FAM107B: variants seen among roughly 807,000 people sequenced by gnomAD.
FAM107B encodes the protein family with sequence similarity 107 member B.
In FAM107B, 21 loss-of-function variants were observed where a neutral mutation model predicts 31.5. The ratio of observed to expected loss-of-function variants is 0.67; its 90% CI spans 0.47 to 0.96. The LOEUF (loss-of-function observed/expected upper bound fraction) is 0.96, where lower values mean the gene tolerates loss of function less well. Among genes scored for constraint, FAM107B ranks in the 40% least tolerant of loss-of-function variants. The probability of loss-of-function intolerance (pLI) is 0.00; values close to 1 mark genes in which losing one functional copy is unlikely to be tolerated. For synonymous variants in FAM107B, 157 were observed against 141.5 expected, an observed-to-expected ratio of 1.11 and a Z score of -0.78; for missense variants, 452 against 377.1, an observed-to-expected ratio of 1.20 and a Z score of -1.64.
intron 1 of FAM107B, among the ~76,000 whole-genome samples, chr10:14,678,687 G>A (rs897030801): frequency 4.6e-5 from 7 of 152,102 alleles, no homozygotes; most frequent in African/African-American, 1.7e-4. Context: ...GAACATGCAC[G>A]ATAAATAGGA....
chr10:14,662,212 T>G (rs906547301), intron 2 of FAM107B, among the ~76,000 whole-genome samples: 2 of 152,132 alleles, frequency 1.3e-5, no homozygotes, highest in Admixed American at 6.6e-5. Flanking sequence ...TCACCTCACT[T>G]TTAAATAGAC....
At chr10:14,613,858 C>T (rs1852786076) in intron 2 of FAM107B, among the ~76,000 whole-genome samples, 2 of 152,080 alleles carry the variant, frequency 1.3e-5, no homozygotes. Flanking sequence ...CAGCTGGGGG[C>T]AGTGGCTCAC....
At chr10:14,538,839 T>C (rs1273677417) in intron 2 of FAM107B, among the ~76,000 whole-genome samples, 1 of 152,234 alleles carries the variant, frequency 6.6e-6, no homozygotes. Context: ...AGCATCAGGC[T>C]TGAAGACCAC....
intron 2 of FAM107B, among the ~76,000 whole-genome samples, chr10:14,552,334 A>T (rs550527591): frequency 7.9e-5 from 12 of 152,358 alleles, no homozygotes; most frequent in African/African-American, 2.9e-4. Context: ...AGACTCAGTT[A>T]TAAGCACTTT....
At chr10:14,685,035 ATGCCCAGGG>A (rs1472214675) in intron 1 of FAM107B, among the ~76,000 whole-genome samples, 3 of 152,128 alleles carry the variant, frequency 2.0e-5, no homozygotes, top group African/African-American at 4.8e-5. Flanking sequence ...CTCCCTATCA[ATGCCCAGGG>A]TGCCCAGGGT....
At chr10:14,626,693 T>C (rs7099405) in intron 2 of FAM107B, among the ~76,000 whole-genome samples, 10,440 of 151,904 alleles carry the variant, frequency 0.069, 472 homozygotes, top group East Asian at 0.19. Flanking sequence ...TTAGTAGAGA[T>C]GGGGTTTCAC....
intron 1 of FAM107B, among the ~76,000 whole-genome samples, chr10:14,732,256 C>T (rs755010843): frequency 1.3e-5 from 2 of 152,172 alleles, no homozygotes; most frequent in Admixed American, 6.5e-5. Context: ...ATTCCAAGCC[C>T]GCAAGCAAGC....
chr10:14,737,786 C>CTG (rs1394069349), intron 1 of FAM107B, among the ~76,000 whole-genome samples: 1 of 151,068 alleles, frequency 6.6e-6, no homozygotes, highest in Non-Finnish European at 1.5e-5. Context: ...CTCTCTCTCT[C>CTG]TCTCTCTCTC....
At chr10:14,733,129 T>C (rs1856213674) in intron 1 of FAM107B, among the ~76,000 whole-genome samples, 1 of 150,252 alleles carries the variant, frequency 6.7e-6, no homozygotes, top group Non-Finnish European at 1.5e-5. Context: ...TTTATATATG[T>C]TAAAATATTA....
intron 2 of FAM107B, among the ~76,000 whole-genome samples, chr10:14,665,952 A>G (rs1854393966): frequency 6.6e-6 from 1 of 152,160 alleles, no homozygotes. Context: ...GTGTTGGCCT[A>G]TGTCAAACCT....
At chr10:14,624,102 G>C (rs1003974753) in intron 2 of FAM107B, among the ~76,000 whole-genome samples, 12 of 152,144 alleles carry the variant, frequency 7.9e-5, no homozygotes, top group Non-Finnish European at 1.5e-4. Flanking sequence ...TAAAACAATG[G>C]AGAGGCAGGT....
chr10:14,725,656 ACT>A (rs1159562411), intron 1 of FAM107B, among the ~76,000 whole-genome samples: 1 of 151,798 alleles, frequency 6.6e-6, no homozygotes, highest in Non-Finnish European at 1.5e-5. Flanking sequence ...CTCTCTAGTA[ACT>A]CTTCTTGTAA....
chr10:14,696,585 C>A (rs1282547375), intron 1 of FAM107B, among the ~76,000 whole-genome samples: 1 of 152,118 alleles, frequency 6.6e-6, no homozygotes, highest in African/African-American at 2.4e-5. Flanking sequence ...GGTATAAATT[C>A]TTCCTTAAAT....
intron 1 of FAM107B, among the ~76,000 whole-genome samples, chr10:14,684,903 C>G (rs1272096843): frequency 6.6e-6 from 1 of 151,966 alleles, no homozygotes; most frequent in Non-Finnish European, 1.5e-5. Context: ...TCACGGCAGC[C>G]TCAATCTCCG....
chr10:14,671,425 C>T (rs1854538249), intron 1 of FAM107B, among the ~76,000 whole-genome samples: 1 of 152,124 alleles, frequency 6.6e-6, no homozygotes, highest in African/African-American at 2.4e-5. Context: ...ACAACCCTTC[C>T]TGTTGGAATC....
At chr10:14,585,197 TTTG>T (rs1851783341) in intron 2 of FAM107B, among the ~76,000 whole-genome samples, 1 of 152,306 alleles carries the variant, frequency 6.6e-6, no homozygotes, top group East Asian at 1.9e-4. Flanking sequence ...AATTTCTGCT[TTTG>T]TTGCTTCATT....
intron 1 of FAM107B, among the ~76,000 whole-genome samples, chr10:14,755,078 C>T (rs1165233740): frequency 1.3e-5 from 2 of 152,116 alleles, no homozygotes; most frequent in South Asian, 4.1e-4. Flanking sequence ...CAGAGAAAAG[C>T]ATATTTTAGA....
chr10:14,740,299 C>A (rs1856406033), intron 1 of FAM107B, among the ~76,000 whole-genome samples: 1 of 152,098 alleles, frequency 6.6e-6, no homozygotes. Context: ...GCTATCAAGG[C>A]ACAAAAAGAC....
chr10:14,546,283 C>T (rs1848684130), intron 2 of FAM107B, among the ~76,000 whole-genome samples: 1 of 152,198 alleles, frequency 6.6e-6, no homozygotes, highest in Admixed American at 6.5e-5. Flanking sequence ...GAGTCTGGTC[C>T]ACTCTTCACT....
Sources: gnomAD v4.1 joint callset for allele counts (sites outside exome capture counted in the v4.1 genomes callset) on GRCh38, gnomAD v4.1.1 for gene constraint, MANE v1.5 for transcripts, NCBI Gene and HGNC (gene_info 2026-07-23, HGNC 2026-07-21) for gene names.